Variants in DNAH6 observed in about 807,000 individuals in gnomAD.
DNAH6 encodes the protein dynein axonemal heavy chain 6.
In DNAH6, 340 loss-of-function variants were observed where a neutral mutation model predicts 491.4. The ratio of observed to expected loss-of-function variants is 0.69; its 90% CI spans 0.63 to 0.76. The LOEUF (loss-of-function observed/expected upper bound fraction) is 0.76, where lower values mean the gene tolerates loss of function less well. DNAH6 is among the 30% of genes least tolerant of loss of function. DNAH6 has a pLI of 0.00. For missense variants in DNAH6, 4,443 were observed against 4,972.2 expected (o/e 0.89, Z 3.20); for synonymous variants, 1,603 against 1,686.1 (o/e 0.95, Z 1.21).
At chr2:84,528,263 C>A (rs1360725434) in intron 3 of DNAH6, among the ~76,000 whole-genome samples, 1 of 152,140 alleles carries the variant, frequency 6.6e-6, no homozygotes, top group African/African-American at 2.4e-5. Flanking sequence ...TCAGGTTCCA[C>A]CCTAGCTGTA....
At chr2:84,551,589 G>C (rs1440822463) in intron 9 of DNAH6, among the ~76,000 whole-genome samples, 1 of 152,008 alleles carries the variant, frequency 6.6e-6, no homozygotes, top group Non-Finnish European at 1.5e-5. Context: ...ACTGCAAAGG[G>C]TATCCTTGTC....
the DNAH6 span, among the ~76,000 whole-genome samples, chr2:84,461,313 C>T: frequency 2.6e-5 from 4 of 152,278 alleles, no homozygotes; most frequent in East Asian, 3.9e-4. Flanking sequence ...TCCCTGTAAT[C>T]GGTTGCAGAA....
Position 84,611,662 on chromosome 2 carries a change from T to C in DNAH6, c.3295-12T>C. ...GAATTAAAATTTGACAGTGTCCATA[T>C]TTTTCTCCTAGGAAGAGTGGCTGAC... is the stretch of plus-strand genomic sequence containing the variant. On this transcript the variant is annotated splice_polypyrimidine_tract_variant and intron_variant, in intron 21 of 76. Transcript: ENST00000389394. 1 of 1,546,058 alleles carries C rather than the reference T, an allele frequency of 6.5e-7. No homozygotes were observed. The highest frequency in any genetic ancestry group is 8.7e-7 in the Non-Finnish European group (1 of 1,143,620).
In DNAH6 at chr2:84,653,305, T is replaced by G; in HGVS notation, c.5079-14T>G. On this transcript the variant is annotated splice_polypyrimidine_tract_variant and intron_variant, in intron 33 of 76. Coordinates refer to ENST00000389394, the MANE Select transcript of DNAH6 (RefSeq NM_001370.2). ...ACCAGTTGTTCCTAATTGATTTTAT[T>G]TTTGTTTTGACAGTGGAATCATATC... 1 of 1,483,218 alleles carries G rather than the reference T, an allele frequency of 6.7e-7. No individual in the cohort carries two copies. Among genetic ancestry groups the G allele is most frequent in the Non-Finnish European group, 9.0e-7 (1 of 1,114,988 alleles). The allele number at this position is 1,483,218 out of a possible 1,614,324, so 91.9% of individuals were successfully genotyped here. A position where few individuals can be genotyped will look rare whatever the true frequency, so the allele number is the denominator to read the frequency against.
the DNAH6 span, among the ~76,000 whole-genome samples, chr2:84,506,424 T>G: frequency 6.6e-6 from 1 of 152,228 alleles, no homozygotes; most frequent in African/African-American, 2.4e-5. Flanking sequence ...TGTTTGTTTT[T>G]TTCTTGTAAA....
intron 4 of DNAH6, among the ~76,000 whole-genome samples, chr2:84,536,681 T>G (rs1197985815): frequency 6.6e-6 from 1 of 152,014 alleles, no homozygotes; most frequent in African/African-American, 2.4e-5. Context: ...AGTTTTCATC[T>G]GTCAGAGACA....
chr2:84,582,040 G>A (rs1157684921), intron 14 of DNAH6, among the ~76,000 whole-genome samples: 6 of 152,124 alleles, frequency 3.9e-5, no homozygotes, highest in African/African-American at 7.2e-5. Flanking sequence ...ATATATACTC[G>A]CCCAAAATAG....
the DNAH6 span, chr2:84,459,762 T>C: frequency 6.5e-6 from 1 of 153,090 alleles, no homozygotes; most frequent in African/African-American, 2.4e-5. Flanking sequence ...GAGAATAATA[T>C]TTCTCACCGC....
chr2:84,696,215 G>A (rs981441931), intron 46 of DNAH6, among the ~76,000 whole-genome samples: 2 of 151,438 alleles, frequency 1.3e-5, no homozygotes, highest in Admixed American at 6.6e-5. Context: ...TAATACTACT[G>A]AATGTTTACA....
intron 32 of DNAH6, 33 bp from the exon 33 acceptor site, chr2:84,641,914 G>A: frequency 6.6e-7 from 1 of 1,505,088 alleles, no homozygotes; most frequent in Non-Finnish European, 9.0e-7. Flanking sequence ...TTATGTTCTT[G>A]TGATATTATC....
chr2:84,621,752 T>C (rs1268470060), intron 26 of DNAH6, among the ~76,000 whole-genome samples: 1 of 152,190 alleles, frequency 6.6e-6, no homozygotes, highest in African/African-American at 2.4e-5. Flanking sequence ...TTGTGTAGTA[T>C]TTATGTGAAT....
In DNAH6 at chr2:84,604,341, T is replaced by C. The variant is rs1474820871; in HGVS notation, c.2871T>C (p.Leu957=). 1 of 1,551,588 alleles carries C rather than the reference T, an allele frequency of 6.4e-7. No individual in the cohort carries two copies. Among genetic ancestry groups the C allele is most frequent in the East Asian group, 2.4e-5 (1 of 40,910 alleles). The change falls in exon 19 of 77, where the codon CTT becomes CTC. Residue 957 remains leucine, a splice_region_variant and synonymous_variant. Coordinates refer to ENST00000389394, the MANE Select transcript of DNAH6 (RefSeq NM_001370.2). ...CTCTGAGAGTGTTTGTTTTTCAGCT[T>C]CCAGTTATCATTGACTTGAGGAACC... ...KYKVEKMKEK[L]PVIIDLRNPT... is the part of the protein sequence containing the mutation.
At chr2:84,638,525 G>A (rs1380168929) in intron 31 of DNAH6, among the ~76,000 whole-genome samples, 1 of 151,904 alleles carries the variant, frequency 6.6e-6, no homozygotes, top group East Asian at 1.9e-4. Flanking sequence ...CCTTTAGGAT[G>A]GAATTTCTCA....
intron 45 of DNAH6, among the ~76,000 whole-genome samples, chr2:84,693,599 C>T (rs772822953): frequency 2.6e-5 from 4 of 151,934 alleles, no homozygotes; most frequent in Non-Finnish European, 4.4e-5. Context: ...AAAAATTAGC[C>T]GGGCATGGTG....
At chr2:84,617,070 G>GT in intron 23 of DNAH6, 88 bp downstream of exon 23, 1 of 700,192 alleles carries the variant, frequency 1.4e-6, no homozygotes, top group Non-Finnish European at 2.3e-6. Flanking sequence ...AAAGCATGAA[G>GT]GAACTAGAGA....
rs147381205 is a variant in DNAH6 at position 84,811,588 on chromosome 2, C to T, written c.11740-753C>T. Among the ~76,000 whole-genome samples the T allele has an allele frequency of 1.7e-3, 263 of 152,250 alleles. 1 individual carries two copies. Among genetic ancestry groups the T allele is most frequent in the African/African-American group, 6.0e-3 (248 of 41,554 alleles). ...AGACTCTCCCCTTTCCAGCCGGGCACGGTGGCTCACACCTGTAATCCCAGC... is the reference window on the plus strand; with the variant it reads ...AGACTCTCCCCTTTCCAGCCGGGCATGGTGGCTCACACCTGTAATCCCAGC... On this transcript the variant is annotated intron_variant, in intron 72 of 76. Transcript: ENST00000389394.
At chr2:84,559,876 A>T (rs949892843) in intron 11 of DNAH6, among the ~76,000 whole-genome samples, 1 of 152,206 alleles carries the variant, frequency 6.6e-6, no homozygotes. Flanking sequence ...AGACTAAATT[A>T]TATAGTGCTC....
chr2:84,610,594 C>A (rs1417273671), intron 21 of DNAH6, among the ~76,000 whole-genome samples: 1 of 152,194 alleles, frequency 6.6e-6, no homozygotes, highest in African/African-American at 2.4e-5. Context: ...AACCCACTTA[C>A]ACTAATCTCA....
At chr2:84,783,263 T>C (rs1489694940) in intron 65 of DNAH6, among the ~76,000 whole-genome samples, 1 of 152,214 alleles carries the variant, frequency 6.6e-6, no homozygotes, top group Non-Finnish European at 1.5e-5. Context: ...AGCTATAAAA[T>C]GACTACATGA....
Sources: gnomAD v4.1 joint callset for allele counts (sites outside exome capture counted in the v4.1 genomes callset) on GRCh38, gnomAD v4.1.1 for gene constraint, MANE v1.5 for transcripts, NCBI Gene and HGNC (gene_info 2026-07-23, HGNC 2026-07-21) for gene names.